LDB2: variants seen among roughly 807,000 people sequenced by gnomAD.
LDB2 encodes the protein LIM domain binding 2.
LDB2 carries 12 observed loss-of-function variants against 44.3 expected under a neutral mutation model. That is an observed-to-expected ratio of 0.27 (90% CI 0.17 to 0.44). The LOEUF (loss-of-function observed/expected upper bound fraction) is 0.44, where lower values mean the gene tolerates loss of function less well. LDB2 is among the 20% of genes least tolerant of loss of function. The pLI is 1.00. For synonymous variants in LDB2, 164 were observed against 174.8 expected (o/e 0.94, Z 0.49); for missense variants, 344 against 473.5 (o/e 0.73, Z 2.54).
chr4:16,611,213 A>G (rs1006517146), intron 2 of LDB2, among the ~76,000 whole-genome samples: 2 of 152,182 alleles, frequency 1.3e-5, no homozygotes, highest in Non-Finnish European at 2.9e-5. Context: ...CTCCTGAAAG[A>G]AGCACTAAAT....
At chr4:16,728,014 C>CTGGAGATGG (rs1759894404) in intron 2 of LDB2, among the ~76,000 whole-genome samples, 1 of 152,130 alleles carries the variant, frequency 6.6e-6, no homozygotes, top group South Asian at 2.1e-4. Flanking sequence ...CATCTTACTA[C>CTGGAGATGG]AATTTGCTGG....
chr4:16,508,426 C>T, intron 7 of LDB2, 109 bp downstream of exon 7: 1 of 1,098,396 alleles, frequency 9.1e-7, no homozygotes, highest in Non-Finnish European at 1.2e-6. Flanking sequence ...CACCTCCAAC[C>T]TGCCCAGGAT....
chr4:16,729,800 C>A (rs890574108), intron 2 of LDB2, among the ~76,000 whole-genome samples: 11 of 152,030 alleles, frequency 7.2e-5, no homozygotes, highest in African/African-American at 2.4e-4. Context: ...AAGGAGCACA[C>A]AAAACTCTGG....
At chr4:16,702,811 C>T (rs1263854185) in intron 2 of LDB2, among the ~76,000 whole-genome samples, 2 of 152,198 alleles carry the variant, frequency 1.3e-5, no homozygotes, top group Non-Finnish European at 2.9e-5. Flanking sequence ...TTATGGGCCA[C>T]TCATGACCTT....
chr4:16,527,375 C>A (rs531868388), intron 5 of LDB2, among the ~76,000 whole-genome samples: 1 of 151,776 alleles, frequency 6.6e-6, no homozygotes, highest in African/African-American at 2.4e-5. Context: ...TTTTACAATG[C>A]GATGCCACCT....
intron 1 of LDB2, among the ~76,000 whole-genome samples, chr4:16,765,916 A>C (rs1307815591): frequency 1.3e-5 from 2 of 152,194 alleles, no homozygotes; most frequent in Admixed American, 1.3e-4. Flanking sequence ...CATCTCAGTG[A>C]AATGTTGGTT....
chr4:16,802,879 A>G (rs1037943429), intron 1 of LDB2, among the ~76,000 whole-genome samples: 5 of 152,116 alleles, frequency 3.3e-5, no homozygotes, highest in Admixed American at 6.6e-5. Context: ...TAAGAGAAAA[A>G]TCCTCTAGGC....
At chr4:16,561,274 A>T (rs149847074) in intron 5 of LDB2, among the ~76,000 whole-genome samples, 2,012 of 152,288 alleles carry the variant, frequency 0.013, 44 homozygotes, top group African/African-American at 0.046. Context: ...GAGGAAGTCA[A>T]ATTGTCCCTG....
intron 2 of LDB2, among the ~76,000 whole-genome samples, chr4:16,620,050 G>A (rs574581912): frequency 7.9e-5 from 12 of 152,228 alleles, no homozygotes; most frequent in East Asian, 3.9e-4. Context: ...TGCTTTCTCC[G>A]TCTGAGTTAT....
In LDB2 at chr4:16,572,656, A is replaced by G. The variant is rs562686276; in HGVS notation, c.615+13266T>C. Among the ~76,000 whole-genome samples the G allele has an allele frequency of 3.9e-5, 6 of 152,038 alleles. No individual in the cohort carries two copies. The East Asian group carries it at 1.2e-3, about 29-fold the overall frequency. On this transcript the variant is annotated intron_variant, in intron 5 of 7. Coordinates refer to ENST00000304523, the MANE Select transcript of LDB2 (RefSeq NM_001290.5). The stretch of plus-strand genomic sequence containing the variant: ...TTTGGCCTGACTTCAGAAATCACTG[A>G]TTTCTAGACACTGACCTGTCTGTAA...
At chr4:16,530,709 A>G (rs930843064) in intron 5 of LDB2, among the ~76,000 whole-genome samples, 1 of 152,156 alleles carries the variant, frequency 6.6e-6, no homozygotes, top group African/African-American at 2.4e-5. Flanking sequence ...ACAGTTTCCC[A>G]TCTATCCTCA....
At chr4:16,519,255 A>G (rs961753281) in intron 5 of LDB2, among the ~76,000 whole-genome samples, 2 of 151,930 alleles carry the variant, frequency 1.3e-5, no homozygotes, top group African/African-American at 2.4e-5. Flanking sequence ...TATGTCATTA[A>G]CCCTCACCCC....
At chr4:16,608,622 A>G (rs192544018) in intron 2 of LDB2, among the ~76,000 whole-genome samples, 2 of 152,274 alleles carry the variant, frequency 1.3e-5, no homozygotes, top group African/African-American at 2.4e-5. Flanking sequence ...CACGTCACTA[A>G]TGTCTCTCAT....
At chr4:16,581,999 AG>A (rs113559298) in intron 5 of LDB2, among the ~76,000 whole-genome samples, 2,595 of 57,544 alleles carry the variant, frequency 0.045, 26 homozygotes, top group Middle Eastern at 0.11. Flanking sequence ...AAGGGAAGGA[AG>A]GGAAGGAAGG....
intron 5 of LDB2, among the ~76,000 whole-genome samples, chr4:16,581,028 A>C (rs1216469409): frequency 6.6e-6 from 1 of 152,230 alleles, no homozygotes; most frequent in Non-Finnish European, 1.5e-5. Flanking sequence ...AGTTAGAAGA[A>C]GCTTTCATTT....
chr4:16,534,845 A>G (rs1486125995), intron 5 of LDB2, among the ~76,000 whole-genome samples: 1 of 152,146 alleles, frequency 6.6e-6, no homozygotes, highest in Non-Finnish European at 1.5e-5. Context: ...AAAGACCTTC[A>G]CAAAGCCCTC....
chr4:16,851,773 A>G (rs1214818506), intron 1 of LDB2, among the ~76,000 whole-genome samples: 1 of 152,074 alleles, frequency 6.6e-6, no homozygotes. Context: ...GGAAGCGAAG[A>G]CATACAGAGA....
At chr4:16,503,866 G>A (rs1489312419) in intron 7 of LDB2, among the ~76,000 whole-genome samples, 1 of 152,194 alleles carries the variant, frequency 6.6e-6, no homozygotes, top group African/African-American at 2.4e-5. Context: ...GCCACAGCTG[G>A]AGAGGCCAGG....
At chr4:16,623,713 T>A (rs1729516248) in intron 2 of LDB2, among the ~76,000 whole-genome samples, 1 of 152,148 alleles carries the variant, frequency 6.6e-6, no homozygotes, top group Admixed American at 6.5e-5. Flanking sequence ...ACTCAGCTTA[T>A]TTCATGTAAA....
Sources: gnomAD v4.1 joint callset for allele counts (sites outside exome capture counted in the v4.1 genomes callset) on GRCh38, gnomAD v4.1.1 for gene constraint, MANE v1.5 for transcripts, NCBI Gene and HGNC (gene_info 2026-07-23, HGNC 2026-07-21) for gene names.